Variants in PPP2R2D observed in about 807,000 individuals in gnomAD.
The protein encoded by PPP2R2D is protein phosphatase 2 regulatory subunit Bdelta.
Under a neutral mutation model 31.1 loss-of-function variants are expected in PPP2R2D, and 9 were observed. The ratio of observed to expected loss-of-function variants is 0.29; its 90% confidence interval spans 0.17 to 0.51. PPP2R2D has a LOEUF of 0.51. PPP2R2D is among the 20% of genes least tolerant of loss of function. The pLI is 0.98. For missense variants in PPP2R2D, 391 were observed against 465.6 expected, an observed-to-expected ratio of 0.84 and a Z score of 1.48; for synonymous variants, 179 against 172.6, an observed-to-expected ratio of 1.04 and a Z score of -0.29.
At chr10:131,922,079 G>A (rs946987934) in intron 2 of PPP2R2D, among the ~76,000 whole-genome samples, 1 of 152,144 alleles carries the variant, frequency 6.6e-6, no homozygotes, top group African/African-American at 2.4e-5. Context: ...AGACTTCAAC[G>A]GCAGTGGTTT....
chr10:131,971,115 G>A, the PPP2R2D span: 2 of 740,120 alleles, frequency 2.7e-6, no homozygotes, highest in Non-Finnish European at 2.2e-6. Context: ...GGTCCAAGGG[G>A]AGTCCTGGGG....
chr10:131,946,719 G>A (rs937048380), intron 7 of PPP2R2D, among the ~76,000 whole-genome samples: 11 of 152,086 alleles, frequency 7.2e-5, no homozygotes, highest in African/African-American at 1.4e-4. Context: ...ATGCTAAGCC[G>A]ACAAACACAG....
At chr10:131,938,159 C>T (rs940963608) in intron 3 of PPP2R2D, among the ~76,000 whole-genome samples, 3 of 152,230 alleles carry the variant, frequency 2.0e-5, no homozygotes, top group African/African-American at 7.2e-5. Context: ...ACATTGGACT[C>T]TGCAGCAGTG....
intron 2 of PPP2R2D, among the ~76,000 whole-genome samples, chr10:131,914,134 A>G (rs1021467593): frequency 2.0e-5 from 3 of 152,256 alleles, no homozygotes; most frequent in Non-Finnish European, 2.9e-5. Context: ...GTTTAACCGC[A>G]TCTAATGGCT....
chr10:131,940,296 T>A, intron 4 of PPP2R2D, 100 bp downstream of exon 4: 1 of 572,702 alleles, frequency 1.7e-6, no homozygotes. Flanking sequence ...ATTCCTGCTT[T>A]AAATTTTGGG....
At chr10:131,914,030 T>C (rs1236604172) in intron 2 of PPP2R2D, among the ~76,000 whole-genome samples, 1 of 152,194 alleles carries the variant, frequency 6.6e-6, no homozygotes, top group Non-Finnish European at 1.5e-5. Flanking sequence ...TTATGAATTC[T>C]TGGGTGAGTC....
intron 2 of PPP2R2D, among the ~76,000 whole-genome samples, chr10:131,930,152 A>G (rs1350155436): frequency 1.3e-5 from 2 of 152,254 alleles, no homozygotes; most frequent in Non-Finnish European, 2.9e-5. Flanking sequence ...TTTTTCACAC[A>G]AGTTTTCACT....
rs199872861 is a variant in PPP2R2D at position 131,953,069 on chromosome 10, GGT to G, written c.1083-2607_1083-2606del. Among the ~76,000 whole-genome samples, 140 of 144,562 alleles carry G rather than the reference GGT, an allele frequency of 9.7e-4. 2 individuals carry two copies. In the East Asian group the frequency reaches 0.03, roughly 31 times the overall value. The allele number at this position is 144,562 out of a possible 152,430, so 94.8% of individuals were successfully genotyped here. ...TTCACTGTCTTAGCAGTGACTTGCG[GGT>G]GTGTGTGGGAGGTTCACTGTCTTAG... On this transcript the variant is annotated intron_variant, in intron 8 of 8. Transcript: ENST00000455566.
rs1564824102 is a variant in PPP2R2D at position 131,947,802 on chromosome 10, CGT to C, written c.1082+13_1082+14del. ...GAACGGTTCGGATAGGTAAGGCCTG[CGT>C]GGAGATGAGCTGTCGCCCCAAGCTT... On this transcript the variant is annotated intron_variant, in intron 8 of 8. Transcript: ENST00000455566. The surrounding 1 kb of genome is among the most constrained non-coding windows in gnomAD (Gnocchi z 4.3). 6.2e-7 allele frequency: 1 copy of C among 1,606,730 alleles called. No individual in the cohort carries two copies. The highest frequency in any genetic ancestry group is 1.7e-5 in the Admixed American group (1 of 59,864).
chr10:131,951,607 G>C (rs1273947757), intron 8 of PPP2R2D, among the ~76,000 whole-genome samples: 1 of 152,190 alleles, frequency 6.6e-6, no homozygotes, highest in Non-Finnish European at 1.5e-5. Context: ...CGGATCACGA[G>C]GTCAGGAGTT....
At chr10:131,946,422 G>A (rs147444316) in intron 7 of PPP2R2D, among the ~76,000 whole-genome samples, 31 of 152,244 alleles carry the variant, frequency 2.0e-4, no homozygotes, top group Non-Finnish European at 2.9e-4. Context: ...AGACTGAGCC[G>A]CTGCTCATGT....
chr10:131,926,931 C>T (rs906672892), intron 2 of PPP2R2D, among the ~76,000 whole-genome samples: 1 of 152,092 alleles, frequency 6.6e-6, no homozygotes, highest in South Asian at 2.1e-4. Context: ...GTGAACTTGC[C>T]GAGTCAGGGT....
In PPP2R2D at chr10:131,917,765, G is replaced by A. The variant is rs553872272; in HGVS notation, c.100+16435G>A. 3.0e-4 allele frequency among the ~76,000 whole-genome samples: 37 copies of A among 122,010 alleles called. 2 individuals carry two copies. Among genetic ancestry groups the A allele is most frequent in the African/African-American group, 1.1e-3 (34 of 31,194 alleles). 80.0% of individuals were successfully genotyped at this position (122,010 alleles called of 152,430 possible). ...ATGACACAGTATAGGGACCTCAGGC[G>A]GGTGGAATGACACAGTGTAGGGACC... On this transcript the variant is annotated intron_variant, in intron 2 of 8. Coordinates refer to ENST00000455566, the MANE Select transcript of PPP2R2D (RefSeq NM_018461.5).
In PPP2R2D at chr10:131,958,175, T is replaced by G. The variant is rs2036848618; in HGVS notation, c.*2212T>G. 1.2e-5 allele frequency: 2 copies of G among 171,760 alleles called. No individual in the cohort carries two copies. Among genetic ancestry groups the G allele is most frequent in the Non-Finnish European group, 2.3e-5 (2 of 86,206 alleles). The allele number at this position is 171,760 out of a possible 1,614,324, so 10.6% of individuals were successfully genotyped here. A position where few individuals can be genotyped will look rare whatever the true frequency, so the allele number is the denominator to read the frequency against. On this transcript the variant is annotated 3_prime_UTR_variant, in exon 9 of 9. Coordinates refer to ENST00000455566, the MANE Select transcript of PPP2R2D (RefSeq NM_018461.5). Reference sequence around the variant, plus strand: ...GGGTGTGCTGATCCCCCATGCCCTGTGGAGATGGAGGTGTGTGCTGATCCC... The same window carrying G: ...GGGTGTGCTGATCCCCCATGCCCTGGGGAGATGGAGGTGTGTGCTGATCCC...
chr10:131,945,347 T>G lies in PPP2R2D; in HGVS notation c.708T>G (p.Thr236=). 6.2e-7 allele frequency: 1 copy of G among 1,614,210 alleles called. No homozygotes were observed. The highest frequency in any genetic ancestry group is 8.5e-7 in the Non-Finnish European group (1 of 1,180,038). ...TGGAGGAGCTGACCGAAGTCATCAC[T>G]GCAGCCGAGTTCCACCCGCACCAGT... The part of the protein sequence containing the change: ...ANMEELTEVI[T]AAEFHPHQCN... Residue 236 remains threonine (T), a synonymous_variant, in exon 7 of 9, where the codon ACT becomes ACG. Coordinates refer to ENST00000455566, the MANE Select transcript of PPP2R2D (RefSeq NM_018461.5). The surrounding 1 kb of genome is among the most constrained non-coding windows in gnomAD (Gnocchi z 4.8).
Position 131,958,219 on chromosome 10 carries a change from A to G in PPP2R2D, c.*2256A>G, listed in dbSNP as rs117032101. 130 of 108,218 alleles carry G rather than the reference A, an allele frequency of 1.2e-3. No homozygotes were observed. The highest frequency in any genetic ancestry group is 6.0e-3 in the Middle Eastern group (1 of 168). 6.7% of individuals were successfully genotyped at this position (108,218 alleles called of 1,614,324 possible). A position where few individuals can be genotyped will look rare whatever the true frequency, so the allele number is the denominator to read the frequency against. ...TGATCCCTCGTGCCCCTGTGGAGAT[A>G]GAGGTGTGTACTGATCCCCTGTTCC... On this transcript the variant is annotated 3_prime_UTR_variant, in exon 9 of 9. Transcript: ENST00000455566.
At chr10:131,932,591 C>T (rs931145156) in intron 2 of PPP2R2D, among the ~76,000 whole-genome samples, 4 of 135,576 alleles carry the variant, frequency 3.0e-5, no homozygotes, top group Admixed American at 8.7e-5. Context: ...CACTTGCACC[C>T]TGGAGATGGA....
rs2036898270 is a variant in PPP2R2D, at chr10:131,959,802, A to C, written c.*3839A>C. The stretch of plus-strand genomic sequence containing the variant: ...TATATTTGTTCAACTATTTTGACCA[A>C]AAAGTTCAATAAATTTTAAATGTTT... On this transcript the variant is annotated 3_prime_UTR_variant, in exon 9 of 9. Coordinates refer to ENST00000455566, the MANE Select transcript of PPP2R2D (RefSeq NM_018461.5). 1 of 152,228 alleles carries C rather than the reference A, an allele frequency of 6.6e-6. No homozygotes were observed. Among genetic ancestry groups the C allele is most frequent in the African/African-American group, 2.4e-5 (1 of 41,450 alleles). 9.4% of individuals were successfully genotyped at this position (152,228 alleles called of 1,614,324 possible).
intron 3 of PPP2R2D, among the ~76,000 whole-genome samples, chr10:131,938,171 G>A (rs1457297549): frequency 1.3e-5 from 2 of 152,234 alleles, no homozygotes; most frequent in Non-Finnish European, 2.9e-5. Context: ...GCAGCAGTGC[G>A]GGTGTGGGTA....
Sources: allele counts gnomAD v4.1 joint callset (sites outside exome capture counted in the v4.1 genomes callset), GRCh38; gene constraint gnomAD v4.1.1; non-coding constraint Gnocchi (gnomAD v3.1); transcripts MANE v1.5; gene names NCBI Gene and HGNC (gene_info 2026-07-23, HGNC 2026-07-21).